Variants in CYP46A1 observed in about 807,000 individuals in gnomAD.
CYP46A1 encodes cytochrome P450 family 46 subfamily A member 1.
Under a neutral mutation model 63.3 loss-of-function variants are expected in CYP46A1, and 20 were observed. The observed-to-expected ratio is 0.32, with a 90% CI of 0.22 to 0.46. The LOEUF is 0.46. Among genes scored for constraint, CYP46A1 ranks in the 20% least tolerant of loss-of-function variants. The pLI is 1.00. For synonymous variants in CYP46A1, 268 were observed against 273.6 expected, an observed-to-expected ratio of 0.98 and a Z score of 0.20; for missense variants, 445 against 670.8, an observed-to-expected ratio of 0.66 and a Z score of 3.72.
intron 7 of CYP46A1, chr14:99,707,926 A>T: frequency 2.1e-6 from 1 of 474,358 alleles, no homozygotes; most frequent in East Asian, 3.9e-5. Context: ...CAGGCAATGT[A>T]GGATGACTAT....
chr14:99,699,458 A>G lies in CYP46A1; in HGVS notation c.283-8A>G. ...ATGAGCCTATGTTGGTTTTTTGGGG[A>G]TATTTAGAAGTTCCTGATGTCAACC... is the stretch of plus-strand genomic sequence containing the variant. On this transcript the variant is annotated splice_region_variant and splice_polypyrimidine_tract_variant and intron_variant, in intron 3 of 14. Coordinates refer to ENST00000261835, the MANE Select transcript of CYP46A1 (RefSeq NM_006668.2). 1 of 1,613,934 alleles carries G rather than the reference A, an allele frequency of 6.2e-7. No homozygotes were observed. The highest frequency in any genetic ancestry group is 8.5e-7 in the Non-Finnish European group (1 of 1,179,938).
intron 3 of CYP46A1, among the ~76,000 whole-genome samples, chr14:99,694,038 T>C (rs1958318): frequency 0.014 from 2,200 of 152,296 alleles, 45 homozygotes; most frequent in African/African-American, 0.05. Flanking sequence ...TCTCCGTGAA[T>C]TGGACTACTT....
At chr14:99,687,278 C>T (rs1044317059) in intron 1 of CYP46A1, among the ~76,000 whole-genome samples, 5 of 152,224 alleles carry the variant, frequency 3.3e-5, no homozygotes, top group African/African-American at 1.2e-4. Flanking sequence ...CCCCTACTCT[C>T]CTGGTAATGT....
chr14:99,725,331 C>T lies in CYP46A1; in HGVS notation c.1177-60C>T. ...TAGCCCTGTTGGGTGGCCTCAGTGGCTCAAGAGGTGCCAGGGGAACAACCT... is the reference window on the plus strand; with the variant it reads ...TAGCCCTGTTGGGTGGCCTCAGTGGTTCAAGAGGTGCCAGGGGAACAACCT... On this transcript the variant is annotated intron_variant, in intron 12 of 14. Transcript: ENST00000261835. The surrounding 1 kb of genome is among the most constrained non-coding windows in gnomAD (Gnocchi z 4.2). The T allele has an allele frequency of 6.9e-7, 1 of 1,453,844 alleles. No homozygotes were observed. The highest frequency in any genetic ancestry group is 9.6e-7 in the Non-Finnish European group (1 of 1,036,550). The allele number at this position is 1,453,844 out of a possible 1,614,324, so 90.1% of individuals were successfully genotyped here.
chr14:99,715,453 C>G (rs773726194), intron 7 of CYP46A1, among the ~76,000 whole-genome samples: 1 of 152,160 alleles, frequency 6.6e-6, no homozygotes, highest in Non-Finnish European at 1.5e-5. Context: ...GCCGCCCCGT[C>G]TTTTTGGCAG....
intron 2 of CYP46A1, chr14:99,691,430 A>T: frequency 1.7e-6 from 1 of 583,974 alleles, no homozygotes; most frequent in Non-Finnish European, 3.0e-6. Flanking sequence ...GGGTGTGACC[A>T]GGTAACAGTC....
At chr14:99,693,375 A>T (rs2056560105) in intron 3 of CYP46A1, among the ~76,000 whole-genome samples, 1 of 152,256 alleles carries the variant, frequency 6.6e-6, no homozygotes, top group Non-Finnish European at 1.5e-5. Flanking sequence ...ACCAAAAACC[A>T]TGCACAAAGA....
intron 3 of CYP46A1, among the ~76,000 whole-genome samples, chr14:99,696,383 G>A (rs1485361121): frequency 6.6e-6 from 1 of 151,906 alleles, no homozygotes; most frequent in African/African-American, 2.4e-5. Flanking sequence ...AGCCTCCTGA[G>A]TAGCTGAGAC....
At chr14:99,705,860 G>C (rs1430571877) in intron 5 of CYP46A1, 2 of 152,268 alleles carry the variant, frequency 1.3e-5, no homozygotes, top group African/African-American at 4.8e-5. Flanking sequence ...AGGAGGCAGA[G>C]GTTGCAGTGA....
chr14:99,701,489 C>T (rs2056630015), intron 5 of CYP46A1, among the ~76,000 whole-genome samples: 1 of 152,188 alleles, frequency 6.6e-6, no homozygotes, highest in Admixed American at 6.5e-5. Flanking sequence ...ATAGTCTAGA[C>T]CATATGGCCT....
At chr14:99,692,484 A>G (rs555502381) in intron 3 of CYP46A1, among the ~76,000 whole-genome samples, 38 of 152,202 alleles carry the variant, frequency 2.5e-4, no homozygotes, top group African/African-American at 8.9e-4. Context: ...GGTTGCAGTG[A>G]GCAGAGATCG....
chr14:99,701,192 T>C (rs1392900723), intron 5 of CYP46A1, among the ~76,000 whole-genome samples: 1 of 152,194 alleles, frequency 6.6e-6, no homozygotes, highest in Non-Finnish European at 1.5e-5. Context: ...TAATTTATTA[T>C]TGAAGAAAGA....
chr14:99,716,294 C>T (rs1238764342), intron 9 of CYP46A1, 95 bp downstream of exon 9: 2 of 1,367,606 alleles, frequency 1.5e-6, no homozygotes, highest in Non-Finnish European at 2.1e-6. Context: ...ATTTTTTGGG[C>T]TATCTGAGCA....
chr14:99,685,874 T>A (rs1167960677), intron 1 of CYP46A1, among the ~76,000 whole-genome samples: 1 of 151,952 alleles, frequency 6.6e-6, no homozygotes, highest in Non-Finnish European at 1.5e-5. Flanking sequence ...GGATGCTTCT[T>A]CCCCCAGCCT....
chr14:99,712,292 G>C (rs911674016), intron 7 of CYP46A1: 3 of 152,156 alleles, frequency 2.0e-5, no homozygotes, highest in Non-Finnish European at 2.9e-5. Flanking sequence ...GTGCTAGCCA[G>C]AGCAGTCAGG....
At chr14:99,714,297 T>C (rs2056766861) in intron 7 of CYP46A1, among the ~76,000 whole-genome samples, 1 of 152,234 alleles carries the variant, frequency 6.6e-6, no homozygotes, top group African/African-American at 2.4e-5. Context: ...ATAGCCATTA[T>C]GGAAAACAGT....
intron 3 of CYP46A1, among the ~76,000 whole-genome samples, chr14:99,693,991 T>TC (rs1333157510): frequency 6.6e-6 from 1 of 151,904 alleles, no homozygotes; most frequent in African/African-American, 2.4e-5. Context: ...CCCATTCCCC[T>TC]CCCCCCAGAC....
intron 5 of CYP46A1, among the ~76,000 whole-genome samples, chr14:99,701,624 G>T (rs2056631394): frequency 6.6e-6 from 1 of 152,154 alleles, no homozygotes; most frequent in Non-Finnish European, 1.5e-5. Context: ...ACACATGACT[G>T]TACTTTACTT....
chr14:99,707,777 T>A, intron 7 of CYP46A1, 99 bp downstream of exon 7: 1 of 1,039,384 alleles, frequency 9.6e-7, no homozygotes, highest in Non-Finnish European at 1.4e-6. Flanking sequence ...TTTCCCAGAA[T>A]GGGTTTTGAG....
Sources: allele counts gnomAD v4.1 joint callset (sites outside exome capture counted in the v4.1 genomes callset), GRCh38; gene constraint gnomAD v4.1.1; non-coding constraint Gnocchi (gnomAD v3.1); transcripts MANE v1.5; gene names NCBI Gene and HGNC (gene_info 2026-07-23, HGNC 2026-07-21).